The following GRK5 variants were observed in gnomAD, a reference collection of about 807,000 sequenced individuals.
The protein encoded by GRK5 is G protein-coupled receptor kinase 5, also known as g protein-coupled receptor kinase GRK5.
GRK5 carries 40 observed loss-of-function variants against 78.4 expected under a neutral mutation model. That is an observed-to-expected ratio of 0.51 (90% confidence interval 0.40 to 0.66). The LOEUF is 0.66. GRK5 is among the 30% of genes least tolerant of loss of function. The probability of loss-of-function intolerance (pLI) is 0.00; values close to 1 mark genes in which losing one functional copy is unlikely to be tolerated. For synonymous variants in GRK5, 289 were observed against 296.8 expected, an observed-to-expected ratio of 0.97 and a Z score of 0.27; for missense variants, 598 against 759.9, an observed-to-expected ratio of 0.79 and a Z score of 2.50.
In GRK5 at chr10:119,378,042, C is replaced by A. The variant is rs1222770652; in HGVS notation, c.149-2773C>A. On this transcript the variant is annotated intron_variant, in intron 2 of 15. Coordinates refer to ENST00000392870, the MANE Select transcript of GRK5 (RefSeq NM_005308.3). This position sits in a 1 kb window ranked among gnomAD's most constrained non-coding sequence, Gnocchi z 4.5. ...GTGCAGGCTGCAGACCTGTCACAGGCCGCTGAGACCAGGTTCCCTACTGTG... is the reference window on the plus strand; with the variant it reads ...GTGCAGGCTGCAGACCTGTCACAGGACGCTGAGACCAGGTTCCCTACTGTG... 2 of 154,376 alleles carry A rather than the reference C, an allele frequency of 1.3e-5. No homozygotes were observed. The highest frequency in any genetic ancestry group is 2.9e-5 in the Non-Finnish European group (2 of 68,218). The allele number at this position is 154,376 out of a possible 1,614,324, so 9.6% of individuals were successfully genotyped here.
At chr10:119,387,123 G>C (rs2133838202) in intron 3 of GRK5, among the ~76,000 whole-genome samples, 1 of 152,166 alleles carries the variant, frequency 6.6e-6, no homozygotes, top group Admixed American at 6.5e-5. Context: ...TCCTGCCTCA[G>C]CCTTCTGAGT....
intron 1 of GRK5, among the ~76,000 whole-genome samples, chr10:119,239,548 A>G (rs537425746): frequency 2.0e-5 from 3 of 152,022 alleles, no homozygotes; most frequent in East Asian, 1.9e-4. Context: ...GTTTATTATT[A>G]TATTTTAAGT....
At chr10:119,437,072 G>A (rs1852935843) in intron 9 of GRK5, among the ~76,000 whole-genome samples, 1 of 152,250 alleles carries the variant, frequency 6.6e-6, no homozygotes, top group Non-Finnish European at 1.5e-5. Flanking sequence ...AAAGTTTAGG[G>A]AAGCCAAGCA....
intron 2 of GRK5, among the ~76,000 whole-genome samples, chr10:119,355,027 C>A (rs750417893): frequency 3.3e-5 from 5 of 152,078 alleles, no homozygotes; most frequent in Non-Finnish European, 7.3e-5. Context: ...TGTAATTCTC[C>A]TGTATACTTT....
chr10:119,248,987 A>T (rs1050287631), intron 1 of GRK5, among the ~76,000 whole-genome samples: 4 of 152,142 alleles, frequency 2.6e-5, no homozygotes, highest in African/African-American at 4.8e-5. Context: ...TGGAGATACT[A>T]GCTGGGCGCG....
chr10:119,305,746 G>A (rs1564884390), intron 1 of GRK5, among the ~76,000 whole-genome samples: 2 of 152,216 alleles, frequency 1.3e-5, no homozygotes, highest in Non-Finnish European at 2.9e-5. Context: ...CCTAACCTAC[G>A]TGTCTCTCAA....
chr10:119,336,695 G>A lies in GRK5; in HGVS notation c.148+10084G>A, dbSNP rs573904063. On this transcript the variant is annotated intron_variant, in intron 2 of 15. Transcript: ENST00000392870. This position sits in a 1 kb window ranked among gnomAD's most constrained non-coding sequence, Gnocchi z 4.5. The stretch of plus-strand genomic sequence containing the variant: ...TGGCACGTGAGCTCTTGATTTCATC[G>A]TCAGGGAAACCAAGTCTCTGCAGAC... Among the ~76,000 whole-genome samples, 1 of 152,162 alleles carries A rather than the reference G, an allele frequency of 6.6e-6. No individual in the cohort carries two copies. Among genetic ancestry groups the A allele is most frequent in the African/African-American group, 2.4e-5 (1 of 41,440 alleles).
At chr10:119,244,666 C>G (rs1331987062) in intron 1 of GRK5, among the ~76,000 whole-genome samples, 1 of 152,002 alleles carries the variant, frequency 6.6e-6, no homozygotes, top group Non-Finnish European at 1.5e-5. Flanking sequence ...CCCAGGAGGT[C>G]GAAGCTGCAG....
chr10:119,424,939 C>A (rs1852643355), intron 5 of GRK5, 54 bp from the exon 6 acceptor site: 1 of 1,287,488 alleles, frequency 7.8e-7, no homozygotes, highest in African/African-American at 1.5e-5. Context: ...CTTTGCCCCC[C>A]TGCTTGAAGA....
At chr10:119,447,162 C>G (rs1358223652) in intron 12 of GRK5, among the ~76,000 whole-genome samples, 1 of 152,122 alleles carries the variant, frequency 6.6e-6, no homozygotes, top group Non-Finnish European at 1.5e-5. Context: ...CAGGTCTAGC[C>G]CTCTGGCCTC....
rs144201018 is a variant in GRK5 at position 119,426,439 on chromosome 10, G to A, written c.533+1354G>A. 4.9e-4 allele frequency among the ~76,000 whole-genome samples: 75 copies of A among 152,302 alleles called. 1 individual carries two copies. The highest frequency in any genetic ancestry group is 1.7e-3 in the African/African-American group (70 of 41,566). On this transcript the variant is annotated intron_variant, in intron 6 of 15. Coordinates refer to ENST00000392870, the MANE Select transcript of GRK5 (RefSeq NM_005308.3). ...GCACCAGAGCCCCCAGCCTGGGTCCGAGTCCCGCCTCTGCCTCTTCCCAAG... is the reference window on the plus strand; with the variant it reads ...GCACCAGAGCCCCCAGCCTGGGTCCAAGTCCCGCCTCTGCCTCTTCCCAAG...
chr10:119,390,879 T>C (rs1851878593), intron 3 of GRK5, among the ~76,000 whole-genome samples: 1 of 151,652 alleles, frequency 6.6e-6, no homozygotes, highest in East Asian at 1.9e-4. Flanking sequence ...AGCTAAACCA[T>C]GTCACCCTCT....
At chr10:119,301,909 C>T (rs950833851) in intron 1 of GRK5, among the ~76,000 whole-genome samples, 1 of 152,240 alleles carries the variant, frequency 6.6e-6, no homozygotes, top group African/African-American at 2.4e-5. Flanking sequence ...CCACTGCCAT[C>T]TTTTTGGAGC....
Position 119,453,292 on chromosome 10 carries a change from C to G in GRK5, c.1674+16C>G, listed in dbSNP as rs753161840. On this transcript the variant is annotated intron_variant, in intron 15 of 15. Coordinates refer to ENST00000392870, the MANE Select transcript of GRK5 (RefSeq NM_005308.3). ...CAAGCGGCAGGTGAGACACCCATGC[C>G]TGGCCAGTCCTGGCATCAGCTCCGA... 5.7e-5 allele frequency: 92 copies of G among 1,613,474 alleles called. No homozygotes were observed. Among genetic ancestry groups the G allele is most frequent in the Non-Finnish European group, 7.5e-5 (88 of 1,179,916 alleles).
chr10:119,357,003 A>C (rs1851272058), intron 2 of GRK5, among the ~76,000 whole-genome samples: 1 of 152,216 alleles, frequency 6.6e-6, no homozygotes, highest in Admixed American at 6.5e-5. Context: ...TTGCCCACCA[A>C]AGAACAGCAT....
intron 2 of GRK5, among the ~76,000 whole-genome samples, chr10:119,366,360 G>T (rs1851449606): frequency 6.6e-6 from 1 of 152,090 alleles, no homozygotes; most frequent in South Asian, 2.1e-4. Context: ...GGCAAAGGGG[G>T]TGGCGGAGGA....
intron 1 of GRK5, among the ~76,000 whole-genome samples, chr10:119,314,979 C>T (rs1280095250): frequency 6.6e-6 from 1 of 152,344 alleles, no homozygotes; most frequent in South Asian, 2.1e-4. Flanking sequence ...TGGCCTGTAT[C>T]TGCCCCACTC....
At chr10:119,371,291 G>A (rs1851542678) in intron 2 of GRK5, among the ~76,000 whole-genome samples, 1 of 152,204 alleles carries the variant, frequency 6.6e-6, no homozygotes. Flanking sequence ...GGGCCCCGTG[G>A]CCATCCGAGG....
chr10:119,314,348 G>T (rs138344679), intron 1 of GRK5, among the ~76,000 whole-genome samples: 3 of 152,212 alleles, frequency 2.0e-5, no homozygotes, highest in Admixed American at 6.5e-5. Context: ...GGAACCTGGG[G>T]CTGGATCCTG....
Sources: gnomAD v4.1 joint callset for allele counts (sites outside exome capture counted in the v4.1 genomes callset) on GRCh38, gnomAD v4.1.1 for gene constraint, Gnocchi (gnomAD v3.1) non-coding constraint, MANE v1.5 for transcripts, NCBI Gene and HGNC (gene_info 2026-07-23, HGNC 2026-07-21) for gene names.